PRKG1: variants seen among roughly 807,000 people sequenced by gnomAD.
The protein encoded by PRKG1 is protein kinase cGMP-dependent 1, also known as cGMP-dependent protein kinase 1.
In PRKG1, 35 loss-of-function variants were observed where a neutral mutation model predicts 88.1. The observed-to-expected ratio is 0.40, with a 90% CI of 0.30 to 0.53. The LOEUF (loss-of-function observed/expected upper bound fraction) is 0.53, where lower values mean the gene tolerates loss of function less well. Ranked by LOEUF, PRKG1 falls within the 20% of genes least tolerant of loss-of-function variation. The pLI is 0.59. For synonymous variants in PRKG1, 303 were observed against 292.5 expected (o/e 1.04, Z -0.37); for missense variants, 540 against 839.8 (o/e 0.64, Z 4.41).
chr10:51,524,076 T>C (rs1199775444), intron 3 of PRKG1, among the ~76,000 whole-genome samples: 1 of 152,124 alleles, frequency 6.6e-6, no homozygotes, highest in African/African-American at 2.4e-5. Context: ...ACCTCTCCCC[T>C]GGTTCTCTTT....
chr10:51,369,401 G>C (rs1049945747), intron 2 of PRKG1, among the ~76,000 whole-genome samples: 1 of 152,042 alleles, frequency 6.6e-6, no homozygotes. Flanking sequence ...GGTCTCTGGG[G>C]CCTCTGTTAT....
chr10:52,283,271 T>TCTGC (rs1337665533), intron 14 of PRKG1, among the ~76,000 whole-genome samples: 1 of 151,994 alleles, frequency 6.6e-6, no homozygotes, highest in African/African-American at 2.4e-5. Flanking sequence ...TGCAGTAATT[T>TCTGC]AGTTCTAGGA....
intron 2 of PRKG1, among the ~76,000 whole-genome samples, chr10:51,446,856 T>A (rs1168693070): frequency 6.6e-6 from 1 of 152,056 alleles, no homozygotes; most frequent in Non-Finnish European, 1.5e-5. Context: ...GTATGTACAT[T>A]CCTAAACTAC....
rs183396334 is a variant in PRKG1, at chr10:51,478,735, T to A, written c.592+10899T>A. 2.6e-3 allele frequency among the ~76,000 whole-genome samples: 260 copies of A among 100,194 alleles called. 1 individual carries two copies. The highest frequency in any genetic ancestry group is 4.9e-3 in the Non-Finnish European group (218 of 44,460). The allele number at this position is 100,194 out of a possible 152,430, so 65.7% of individuals were successfully genotyped here. A position where few individuals can be genotyped will look rare whatever the true frequency, so the allele number is the denominator to read the frequency against. ...AGCTTAAGCATAACATGAAGCAGAGTGAGATACTGAAAAAAAAAAATGGGA... is the reference window on the plus strand; with the variant it reads ...AGCTTAAGCATAACATGAAGCAGAGAGAGATACTGAAAAAAAAAAATGGGA... On this transcript the variant is annotated intron_variant, in intron 3 of 17. Transcript: ENST00000373980.
chr10:51,807,218 C>G (rs1839330239), intron 4 of PRKG1, among the ~76,000 whole-genome samples: 1 of 152,158 alleles, frequency 6.6e-6, no homozygotes, highest in African/African-American at 2.4e-5. Flanking sequence ...ATTTTCAGCA[C>G]TCATTGAAGA....
In PRKG1 at chr10:52,180,885, G is replaced by A. The variant is rs143041176; in HGVS notation, c.1076+18922G>A. 1.2e-3 allele frequency among the ~76,000 whole-genome samples: 177 copies of A among 152,242 alleles called. 2 individuals are homozygous for A. Among genetic ancestry groups the A allele is most frequent in the African/African-American group, 4.2e-3 (174 of 41,528 alleles). On this transcript the variant is annotated intron_variant, in intron 9 of 17. Coordinates refer to ENST00000373980, the MANE Select transcript of PRKG1 (RefSeq NM_006258.4). ...CCCAGGCTGGGGGCATGCCAGCCAG[G>A]TGTGGCCCATGGGGCTGTTTCTTAG...
chr10:51,080,319 C>G (rs1844074664), intron 1 of PRKG1, among the ~76,000 whole-genome samples: 1 of 152,226 alleles, frequency 6.6e-6, no homozygotes, highest in South Asian at 2.1e-4. Context: ...CCTTGCTCTA[C>G]TGGGTCACAT....
At chr10:51,674,174 TG>T (rs2085515543) in intron 3 of PRKG1, among the ~76,000 whole-genome samples, 2 of 152,186 alleles carry the variant, frequency 1.3e-5, no homozygotes, top group South Asian at 4.1e-4. Flanking sequence ...TTTTGGTTTT[TG>T]TTTTTTTATT....
At chr10:51,303,849 C>A (rs767887310) in intron 2 of PRKG1, among the ~76,000 whole-genome samples, 1 of 152,004 alleles carries the variant, frequency 6.6e-6, no homozygotes, top group Non-Finnish European at 1.5e-5. Context: ...GAGACAGAGT[C>A]TCACTCTGTA....
chr10:52,242,505 A>G (rs1589728009), intron 9 of PRKG1, among the ~76,000 whole-genome samples: 1 of 152,234 alleles, frequency 6.6e-6, no homozygotes, highest in Admixed American at 6.5e-5. Flanking sequence ...TGAACTTTTC[A>G]TTATGGCCAA....
chr10:51,420,116 C>A (rs904378339), intron 2 of PRKG1, among the ~76,000 whole-genome samples: 1 of 151,916 alleles, frequency 6.6e-6, no homozygotes, highest in Non-Finnish European at 1.5e-5. Context: ...GGGTTGTTTG[C>A]CAAATGGAAA....
intron 3 of PRKG1, among the ~76,000 whole-genome samples, chr10:51,652,228 G>A (rs1442941352): frequency 6.6e-6 from 1 of 151,802 alleles, no homozygotes. Flanking sequence ...TTAACGAAAG[G>A]ATTCCGATAT....
chr10:51,234,739 A>G (rs1466535376), intron 2 of PRKG1, among the ~76,000 whole-genome samples: 12 of 152,164 alleles, frequency 7.9e-5, no homozygotes, highest in Non-Finnish European at 1.5e-4. Context: ...TTTTTCCTCA[A>G]TTAGAGTCCT....
intron 3 of PRKG1, among the ~76,000 whole-genome samples, chr10:51,700,963 C>T (rs1841450039): frequency 1.3e-5 from 2 of 152,016 alleles, no homozygotes; most frequent in Non-Finnish European, 2.9e-5. Context: ...CAAAATTTAA[C>T]ATACTGGTTG....
chr10:52,088,663 C>T (rs1220471559), intron 7 of PRKG1, among the ~76,000 whole-genome samples: 1 of 152,184 alleles, frequency 6.6e-6, no homozygotes, highest in Non-Finnish European at 1.5e-5. Context: ...TTACCAGACA[C>T]TGAACTTGCC....
At chr10:51,910,424 A>G (rs1269120771) in intron 5 of PRKG1, 3 of 152,326 alleles carry the variant, frequency 2.0e-5, no homozygotes, top group African/African-American at 4.8e-5. Context: ...CTTGAGAAGG[A>G]CATTCCTGGG....
At chr10:51,705,446 C>T (rs1414124161) in intron 3 of PRKG1, among the ~76,000 whole-genome samples, 1 of 152,194 alleles carries the variant, frequency 6.6e-6, no homozygotes, top group Non-Finnish European at 1.5e-5. Flanking sequence ...GTGCCTTTTG[C>T]TTACAAAATA....
intron 2 of PRKG1, among the ~76,000 whole-genome samples, chr10:51,326,463 TA>T (rs1164468571): frequency 6.6e-6 from 1 of 152,218 alleles, no homozygotes; most frequent in African/African-American, 2.4e-5. Flanking sequence ...TTCTGGGACA[TA>T]ATGACATCAA....
At chr10:52,022,742 G>C (rs1845219010) in intron 5 of PRKG1, among the ~76,000 whole-genome samples, 1 of 152,114 alleles carries the variant, frequency 6.6e-6, no homozygotes, top group Admixed American at 6.6e-5. Flanking sequence ...AAGAGAAAGA[G>C]GGGTATTTGG....
Sources: gnomAD v4.1 joint callset for allele counts (sites outside exome capture counted in the v4.1 genomes callset) on GRCh38, gnomAD v4.1.1 for gene constraint, MANE v1.5 for transcripts, NCBI Gene and HGNC (gene_info 2026-07-23, HGNC 2026-07-21) for gene names.